Variants in THSD7B observed in about 807,000 individuals in gnomAD.
The protein encoded by THSD7B is thrombospondin type-1 domain-containing protein 7B.
Under a neutral mutation model 213.6 loss-of-function variants are expected in THSD7B, and 138 were observed. The observed-to-expected ratio is 0.65, with a 90% CI of 0.56 to 0.74. THSD7B has a LOEUF of 0.74. Ranked by LOEUF, THSD7B falls within the 30% of genes least tolerant of loss-of-function variation. The probability of loss-of-function intolerance (pLI) is 0.00; values close to 1 mark genes in which losing one functional copy is unlikely to be tolerated. For missense variants in THSD7B, 1,931 were observed against 1,991.5 expected (o/e 0.97, Z 0.58); for synonymous variants, 742 against 687.0 (o/e 1.08, Z -1.25).
At chr2:136,911,588 A>G (rs1204769845) in intron 2 of THSD7B, among the ~76,000 whole-genome samples, 3 of 152,200 alleles carry the variant, frequency 2.0e-5, no homozygotes. Context: ...AAAAATGGAA[A>G]CAGTTGTTGA....
chr2:137,633,864 G>T (rs1682785817), intron 20 of THSD7B, among the ~76,000 whole-genome samples: 2 of 152,048 alleles, frequency 1.3e-5, no homozygotes, highest in African/African-American at 4.8e-5. Flanking sequence ...CCATAATGAG[G>T]ACTGTTTTTA....
At chr2:137,115,050 T>C in intron 4 of THSD7B, 74 bp from the exon 5 acceptor site, 17 of 1,561,816 alleles carry the variant, frequency 1.1e-5, no homozygotes, top group Non-Finnish European at 1.5e-5. Context: ...CTTGATGTCA[T>C]GACTTAAGTT....
intron 20 of THSD7B, among the ~76,000 whole-genome samples, chr2:137,641,964 G>T: frequency 6.6e-6 from 1 of 152,102 alleles, no homozygotes; most frequent in Non-Finnish European, 1.5e-5. Context: ...AGGATAATTT[G>T]GATGATGTGT....
chr2:137,087,226 G>A (rs1475247182), intron 3 of THSD7B, among the ~76,000 whole-genome samples: 1 of 151,822 alleles, frequency 6.6e-6, no homozygotes, highest in Admixed American at 6.6e-5. Flanking sequence ...GTAAATACAG[G>A]TATATACATC....
intron 17 of THSD7B, among the ~76,000 whole-genome samples, chr2:137,591,062 A>G (rs1681856290): frequency 6.6e-6 from 1 of 151,378 alleles, no homozygotes; most frequent in Non-Finnish European, 1.5e-5. Context: ...TCTGTTTATT[A>G]CTTTTTCTCT....
intron 15 of THSD7B, among the ~76,000 whole-genome samples, chr2:137,483,815 A>G (rs1573652410): frequency 1.3e-5 from 2 of 152,256 alleles, no homozygotes; most frequent in Admixed American, 6.5e-5. Context: ...ATGACTGGTT[A>G]TAACCTTACG....
intron 1 of THSD7B, among the ~76,000 whole-genome samples, chr2:136,767,896 A>G (rs1681437311): frequency 6.6e-6 from 1 of 152,222 alleles, no homozygotes; most frequent in African/African-American, 2.4e-5. Context: ...TGATCTTACA[A>G]TATTTCTTAA....
intron 5 of THSD7B, among the ~76,000 whole-genome samples, chr2:137,144,139 G>A (rs936868570): frequency 4.6e-5 from 7 of 152,036 alleles, no homozygotes; most frequent in African/African-American, 1.7e-4. Context: ...ATAGCAAGTA[G>A]TGCCTTTTGA....
intron 1 of THSD7B, among the ~76,000 whole-genome samples, chr2:136,779,845 G>A (rs537280455): frequency 2.6e-5 from 4 of 152,288 alleles, no homozygotes; most frequent in East Asian, 1.9e-4. Flanking sequence ...GGTTATTGAC[G>A]CAAATAGGGT....
chr2:137,122,054 G>A (rs1688555408), intron 5 of THSD7B, among the ~76,000 whole-genome samples: 1 of 152,156 alleles, frequency 6.6e-6, no homozygotes, highest in Admixed American at 6.6e-5. Context: ...GAAACAAGGA[G>A]CATTACTGGG....
At chr2:137,108,355 G>C (rs1688292628) in intron 4 of THSD7B, among the ~76,000 whole-genome samples, 1 of 152,196 alleles carries the variant, frequency 6.6e-6, no homozygotes, top group Non-Finnish European at 1.5e-5. Flanking sequence ...TTTAAGAATA[G>C]TTTCTTAAAT....
intron 14 of THSD7B, among the ~76,000 whole-genome samples, chr2:137,437,457 CA>C: frequency 6.6e-6 from 1 of 152,238 alleles, no homozygotes; most frequent in East Asian, 1.9e-4. Context: ...GGAGGCAAAA[CA>C]AAGGAAGCTG....
intron 1 of THSD7B, among the ~76,000 whole-genome samples, chr2:136,778,129 T>C (rs1047423639): frequency 2.0e-5 from 3 of 152,224 alleles, no homozygotes; most frequent in Non-Finnish European, 4.4e-5. Flanking sequence ...TACAACCCTC[T>C]GTCTGCATAG....
chr2:137,249,032 C>T (rs189521208), intron 10 of THSD7B, among the ~76,000 whole-genome samples: 7 of 152,144 alleles, frequency 4.6e-5, no homozygotes, highest in Non-Finnish European at 1.0e-4. Context: ...GTCCATAGAT[C>T]GCTACATGGT....
intron 12 of THSD7B, among the ~76,000 whole-genome samples, chr2:137,362,096 A>C (rs1366635642): frequency 6.6e-6 from 1 of 152,228 alleles, no homozygotes; most frequent in African/African-American, 2.4e-5. Flanking sequence ...CTTAAAGAAA[A>C]GAATTTTCAA....
At chr2:136,842,416 A>G (rs1470349793) in intron 1 of THSD7B, among the ~76,000 whole-genome samples, 2 of 152,224 alleles carry the variant, frequency 1.3e-5, no homozygotes, top group Non-Finnish European at 1.5e-5. Flanking sequence ...GTTAATTCTA[A>G]TAAGTTGATG....
At chr2:136,943,167 T>C (rs2105062343) in intron 2 of THSD7B, among the ~76,000 whole-genome samples, 1 of 152,330 alleles carries the variant, frequency 6.6e-6, no homozygotes, top group Admixed American at 6.5e-5. Flanking sequence ...GTTCTGTTTA[T>C]GTGATGGATT....
intron 2 of THSD7B, among the ~76,000 whole-genome samples, chr2:136,946,816 T>G (rs1026696790): frequency 2.0e-5 from 3 of 152,246 alleles, no homozygotes; most frequent in African/African-American, 7.2e-5. Context: ...TCTCCTGATG[T>G]ACTATTTGCT....
At chr2:136,878,370 A>G (rs1416853811) in intron 1 of THSD7B, among the ~76,000 whole-genome samples, 1 of 152,238 alleles carries the variant, frequency 6.6e-6, no homozygotes, top group African/African-American at 2.4e-5. Flanking sequence ...TAGTGCCACA[A>G]TAAACATACG....
Sources: gnomAD v4.1 joint callset for allele counts (sites outside exome capture counted in the v4.1 genomes callset) on GRCh38, gnomAD v4.1.1 for gene constraint, MANE v1.5 for transcripts, NCBI Gene and HGNC (gene_info 2026-07-23, HGNC 2026-07-21) for gene names.